IL32: variants seen among roughly 807,000 people sequenced by gnomAD.
IL32 encodes the protein interleukin-32.
IL32 carries 30 observed loss-of-function variants against 16.6 expected under a neutral mutation model. The observed-to-expected ratio is 1.81, with a 90% CI of 1.35 to 2.45. The LOEUF is 2.45. Among genes scored for constraint, IL32 ranks in the 30% most tolerant of loss-of-function variants. IL32 has a pLI of 0.00. For synonymous variants in IL32, 70 were observed against 86.1 expected (o/e 0.81, Z 1.03); for missense variants, 234 against 229.8 (o/e 1.02, Z -0.12).
chr16:3,067,599 T>G lies in IL32; in HGVS notation c.100T>G (p.Ser34Ala), dbSNP rs750210356. The change falls in exon 4 of 7, where the codon TCA becomes GCA. Residue 34 changes from serine to alanine, a missense_variant. Coordinates refer to ENST00000525643, the MANE Select transcript of IL32 (RefSeq NM_001376923.1). Reference protein sequence around the residue: ...RFYDKMQNAESGRGQVMSSLA... With the variant: ...RFYDKMQNAEAGRGQVMSSLA... ...TTATGATAAAATGCAAAATGCAGAA[T>G]CAGGACGTGGACAGGTGGGTGGATT... 2.5e-6 allele frequency: 4 copies of G among 1,612,932 alleles called. No homozygotes were observed. The highest frequency in any genetic ancestry group is 3.4e-6 in the Non-Finnish European group (4 of 1,179,380).
chr16:3,067,275 G>GTGTGTGTGTGTGTCTC lies in IL32; in HGVS notation c.16-89_16-88insCTCTGTGTGTGTGTGT, dbSNP rs1555442494. 1.5e-4 allele frequency: 30 copies of GTGTGTGTGTGTGTCTC among 204,404 alleles called. No homozygotes were observed. In the South Asian group the frequency reaches 1.5e-3, roughly 10 times the overall value. The allele number at this position is 204,404 out of a possible 1,614,324, so 12.7% of individuals were successfully genotyped here. A position where few individuals can be genotyped will look rare whatever the true frequency, so the allele number is the denominator to read the frequency against. ...CTGTACCTCTGCCATGTGTCTCTGT[G>GTGTGTGTGTGTGTCTC]TGTGTGTGTGTGTGTGTGTGTGTGT... On this transcript the variant is annotated intron_variant, in intron 2 of 6. Coordinates refer to ENST00000525643, the MANE Select transcript of IL32 (RefSeq NM_001376923.1).
chr16:3,068,812 T>G (rs1404858272), intron 6 of IL32, 178 bp from the exon 7 acceptor site: 1 of 989,052 alleles, frequency 1.0e-6, no homozygotes, highest in Non-Finnish European at 1.5e-6. Context: ...TGGAGGTGAA[T>G]GCAGAGGAGG....
rs201024346 is a variant in IL32, at chr16:3,069,052, T to A, written c.264T>A (p.Pro88=). ...TACGGTGCCGAGGCAACAGATCCCC[T>A]GTCCCGGATGTTGAGGATCCCGCAA... ...DGLRCRGNRS[P]VPDVEDPATE... is the part of the protein sequence containing the mutation. Residue 88 remains proline (P), a synonymous_variant, in exon 7 of 7, where the codon CCT becomes CCA. Coordinates refer to ENST00000525643, the MANE Select transcript of IL32 (RefSeq NM_001376923.1). 6.2e-7 allele frequency: 1 copy of A among 1,606,816 alleles called. No individual in the cohort carries two copies. The highest frequency in any genetic ancestry group is 2.2e-5 in the East Asian group (1 of 44,754).
chr16:3,066,879 G>GGT (rs1956369063), intron 2 of IL32, among the ~76,000 whole-genome samples: 1 of 147,314 alleles, frequency 6.8e-6, no homozygotes, highest in Non-Finnish European at 1.5e-5. Context: ...GTGTGTACAT[G>GGT]GGGGGGTGTG....
upstream of IL32, chr16:3,065,423 A>G: frequency 3.5e-6 from 1 of 287,430 alleles, no homozygotes; most frequent in South Asian, 4.0e-5. Flanking sequence ...ACCCCAGCTC[A>G]GAGGGAGCAG....
intron 2 of IL32, among the ~76,000 whole-genome samples, chr16:3,066,735 G>C (rs558595449): frequency 3.3e-4 from 50 of 152,300 alleles, no homozygotes; most frequent in Admixed American, 1.2e-3. Flanking sequence ...CATCAGAGAG[G>C]AATGGCTGCT....
chr16:3,065,450 G>A (rs1016748651), upstream of IL32: 9 of 355,738 alleles, frequency 2.5e-5, no homozygotes, highest in Admixed American at 8.6e-5. Context: ...AGCCAGGGAC[G>A]GACCCTCATT....
chr16:3,066,278 A>G (rs371247635), intron 2 of IL32, among the ~76,000 whole-genome samples: 3 of 152,042 alleles, frequency 2.0e-5, no homozygotes, highest in African/African-American at 7.2e-5. Context: ...CCCTCCAGGG[A>G]GCTCTTCGGC....
rs1317427759 is a variant in IL32, at chr16:3,067,271, C to CTCTCTGTGTGTG, written c.16-105_16-104insCTCTGTGTGTGT. ...TATCCTGTACCTCTGCCATGTGTCT[C>CTCTCTGTGTGTG]TGTGTGTGTGTGTGTGTGTGTGTGT... On this transcript the variant is annotated intron_variant, in intron 2 of 6. Transcript: ENST00000525643. 428 of 603,656 alleles carry CTCTCTGTGTGTG rather than the reference C, an allele frequency of 7.1e-4. 3 individuals carry two copies. The African/African-American group carries it at 7.3e-3, about 10-fold the overall frequency. The allele number at this position is 603,656 out of a possible 1,614,324, so 37.4% of individuals were successfully genotyped here.
At chr16:3,065,537 C>CTGTCTG, upstream of IL32, 1 of 582,152 alleles carries the variant, frequency 1.7e-6, no homozygotes, top group Non-Finnish European at 3.1e-6. Flanking sequence ...GTCTCTGTCT[C>CTGTCTG]TGTCTGTTTT....
At chr16:3,067,267 G>C (rs1956452684) in intron 2 of IL32, 110 bp from the exon 3 acceptor site, 6 of 671,008 alleles carry the variant, frequency 8.9e-6, no homozygotes, top group South Asian at 1.9e-5. Flanking sequence ...TCTGCCATGT[G>C]TCTCTGTGTG....
rs1555442478 is a variant in IL32 at position 3,067,271 on chromosome 16, C to CGTGTG, written c.16-106_16-105insGTGTG. ...TATCCTGTACCTCTGCCATGTGTCTCTGTGTGTGTGTGTGTGTGTGTGTGT... is the reference window on the plus strand; with the variant it reads ...TATCCTGTACCTCTGCCATGTGTCTCGTGTGTGTGTGTGTGTGTGTGTGTGTGTGT... On this transcript the variant is annotated intron_variant, in intron 2 of 6. Coordinates refer to ENST00000525643, the MANE Select transcript of IL32 (RefSeq NM_001376923.1). The CGTGTG allele has an allele frequency of 6.5e-5, 39 of 603,664 alleles. No homozygotes were observed. The East Asian group carries it at 9.4e-4, about 15-fold the overall frequency. The allele number at this position is 603,664 out of a possible 1,614,324, so 37.4% of individuals were successfully genotyped here. A position where few individuals can be genotyped will look rare whatever the true frequency, so the allele number is the denominator to read the frequency against.
At chr16:3,068,781 A>C (rs1220113723) in intron 6 of IL32, 11 of 752,824 alleles carry the variant, frequency 1.5e-5, no homozygotes, top group Non-Finnish European at 2.3e-5. Flanking sequence ...CCAAGCAGAC[A>C]CACCCATCCT....
intron 6 of IL32, 55 bp downstream of exon 6, chr16:3,068,294 TTTTC>T (rs896913220): frequency 4.2e-5 from 60 of 1,430,132 alleles, no homozygotes; most frequent in Middle Eastern, 1.7e-4. Context: ...CTGCCCTGTC[TTTTC>T]TTTCTTTCTT....
rs1273403537 is a variant in IL32, at chr16:3,067,813, C to T, written c.115-171C>T. 11 of 864,342 alleles carry T rather than the reference C, an allele frequency of 1.3e-5. 1 individual carries two copies. The highest frequency in any genetic ancestry group is 3.0e-5 in the South Asian group (2 of 65,718). 53.5% of individuals were successfully genotyped at this position (864,342 alleles called of 1,614,324 possible). ...GCCCGGGGAGACTGAGGGAGGCATCCAAGCCCCAGGGCTCCTTGAGGAAAC... is the reference window on the plus strand; with the variant it reads ...GCCCGGGGAGACTGAGGGAGGCATCTAAGCCCCAGGGCTCCTTGAGGAAAC... On this transcript the variant is annotated intron_variant, in intron 4 of 6. Transcript: ENST00000525643.
At chr16:3,068,748 C>A in intron 6 of IL32, 2 of 591,596 alleles carry the variant, frequency 3.4e-6, no homozygotes, top group Admixed American at 3.1e-5. Flanking sequence ...CCTCAAGGCA[C>A]GATGAGGGCC....
chr16:3,068,072 T>C lies in IL32; in HGVS notation c.141+62T>C, dbSNP rs1259147781. On this transcript the variant is annotated intron_variant, in intron 5 of 6. Coordinates refer to ENST00000525643, the MANE Select transcript of IL32 (RefSeq NM_001376923.1). ...CTGGGTCTTAGGCTCCACAGGACAC[T>C]GGGTCTGGGCCCCGGGTCCCCTTGG... 18 of 1,606,782 alleles carry C rather than the reference T, an allele frequency of 1.1e-5. No homozygotes were observed. In the East Asian group the frequency reaches 4.0e-4, roughly 36 times the overall value.
In IL32 at chr16:3,066,998, GCAGGCC is replaced by G. The variant is rs1350241684; in HGVS notation, c.16-377_16-372del. On this transcript the variant is annotated intron_variant, in intron 2 of 6. Coordinates refer to ENST00000525643, the MANE Select transcript of IL32 (RefSeq NM_001376923.1). ...GTGAGGAGGGGTCACCTAGGCCCAC[GCAGGCC>G]CTGCTCTTGTGAGGAGGGGTCACCT... Among the ~76,000 whole-genome samples, 299 of 71,522 alleles carry G rather than the reference GCAGGCC, an allele frequency of 4.2e-3. 11 individuals are homozygous for G. Among genetic ancestry groups the G allele is most frequent in the Middle Eastern group, 0.033 (5 of 152 alleles). The allele number at this position is 71,522 out of a possible 152,430, so 46.9% of individuals were successfully genotyped here. A position where few individuals can be genotyped will look rare whatever the true frequency, so the allele number is the denominator to read the frequency against.
intron 6 of IL32, chr16:3,068,663 C>T (rs951444396): frequency 2.3e-6 from 1 of 434,986 alleles, no homozygotes; most frequent in Non-Finnish European, 4.3e-6. Context: ...AGCCCCTGAG[C>T]TTGGGGTGGA....
Sources: gnomAD v4.1 joint callset for allele counts (sites outside exome capture counted in the v4.1 genomes callset) on GRCh38, gnomAD v4.1.1 for gene constraint, MANE v1.5 for transcripts, NCBI Gene and HGNC (gene_info 2026-07-23, HGNC 2026-07-21) for gene names.